Variants in MYBPC3 observed in about 807,000 individuals in gnomAD.
MYBPC3 encodes myosin binding protein C3.
A neutral mutation model predicts 159.3 loss-of-function variants in MYBPC3; 108 were observed. The observed-to-expected ratio is 0.68, with a 90% CI of 0.58 to 0.80. The LOEUF (loss-of-function observed/expected upper bound fraction) is 0.80, where lower values mean the gene tolerates loss of function less well. MYBPC3 is among the 30% of genes least tolerant of loss of function. MYBPC3 has a pLI of 0.00. For synonymous variants in MYBPC3, 730 were observed against 702.0 expected, an observed-to-expected ratio of 1.04 and a Z score of -0.63; for missense variants, 1,631 against 1,762.1, an observed-to-expected ratio of 0.93 and a Z score of 1.33.
rs768751160 is a variant in MYBPC3, at chr11:47,332,216, C to T, written c.3670G>A (p.Asp1224Asn). 6.2e-7 allele frequency: 1 copy of T among 1,613,872 alleles called. No homozygotes were observed. The highest frequency in any genetic ancestry group is 8.5e-7 in the Non-Finnish European group (1 of 1,179,896). The part of the protein sequence containing the change: ...WFKNGLDLGE[D>N]ARFRMFSKQG... The stretch of plus-strand genomic sequence containing the variant: ...TTGCTGAACATGCGGAAGCGGGCGT[C>T]TTCTCCCAGGTCCAGGCCATTCTTG... Residue 1224 changes from aspartate (D) to asparagine (N), a missense_variant, in exon 33 of 35, where the codon GAC becomes AAC. Coordinates refer to ENST00000545968, the MANE Select transcript of MYBPC3 (RefSeq NM_000256.3). This position sits in a 1 kb window ranked among gnomAD's most constrained non-coding sequence, Gnocchi z 4.2.
At chr11:47,340,250 CAT>C (rs768637988) in intron 20 of MYBPC3, among the ~76,000 whole-genome samples, 9 of 151,870 alleles carry the variant, frequency 5.9e-5, no homozygotes, top group Non-Finnish European at 1.3e-4. Flanking sequence ...CACAGACACA[CAT>C]ATATACATAC....
rs368489793 is a variant in MYBPC3 at position 47,352,613 on chromosome 11, C to T, written c.25+10G>A. The T allele has an allele frequency of 1.2e-5, 19 of 1,601,312 alleles. No homozygotes were observed. Among genetic ancestry groups the T allele is most frequent in the Non-Finnish European group, 1.6e-5 (19 of 1,174,176 alleles). ...CCCACACTTAGACCCAACCCCAGTC[C>T]TAAAGCTACCTGGCTTCTTCCCCGG... On this transcript the variant is annotated intron_variant, in intron 1 of 34. Transcript: ENST00000545968.
chr11:47,343,698 T>G (rs2095891587), intron 12 of MYBPC3, 74 bp from the exon 13 acceptor site: 4 of 1,467,550 alleles, frequency 2.7e-6, no homozygotes, highest in African/African-American at 1.4e-5. Flanking sequence ...ACTGTGGCTG[T>G]GGCTGGGGCC....
At position 47,341,152 on chromosome 11, in the gene MYBPC3, T is replaced by A; in HGVS notation, c.1883A>T (p.Lys628Met). 1 of 1,596,570 alleles carries A rather than the reference T, an allele frequency of 6.3e-7. No homozygotes were observed. The highest frequency in any genetic ancestry group is 8.5e-7 in the Non-Finnish European group (1 of 1,171,454). ...PEGFACNLSA[K>M]LHFMEVKIDF... ...AGCAGGCTCACCCATGAAGTGGAGC[T>A]TGGCTGACAGGTTGCAGGCGAAGCC... is the stretch of plus-strand genomic sequence containing the variant. The change falls in exon 19 of 35, where the codon AAG becomes ATG. Residue 628 changes from lysine to methionine, a missense_variant. Lys to Met is a moderately conservative substitution (Grantham distance 95). Coordinates refer to ENST00000545968, the MANE Select transcript of MYBPC3 (RefSeq NM_000256.3).
Position 47,342,749 on chromosome 11 carries a change from C to T in MYBPC3, c.1458-5G>A, listed in dbSNP as rs746542705. 8.7e-6 allele frequency: 14 copies of T among 1,613,586 alleles called. No individual in the cohort carries two copies. In the East Asian group the frequency reaches 3.1e-4, roughly 36 times the overall value. On this transcript the variant is annotated splice_polypyrimidine_tract_variant and splice_region_variant and intron_variant, in intron 16 of 34. Coordinates refer to ENST00000545968, the MANE Select transcript of MYBPC3 (RefSeq NM_000256.3). ...AGCTCCACCCCGTCCTTCAGCCTAG[C>T]CGGGTGGGTGGGTGGCAAGTGCTGT...
At chr11:47,347,061 G>A (rs1239946408) in intron 9 of MYBPC3, 32 bp from the exon 10 acceptor site, 1 of 855,862 alleles carries the variant, frequency 1.2e-6, no homozygotes, top group Non-Finnish European at 2.0e-6. Context: ...CATAATGGAG[G>A]GGCCGGGGGA....
rs377595584 is a variant in MYBPC3, at chr11:47,346,619, G to C, written c.926+8C>G. ...TGATGAGGGTGCTGTGCTATGTTGG[G>C]CACTCACCTCGGGGTCCGGAAACTG... On this transcript the variant is annotated splice_region_variant and intron_variant, in intron 11 of 34. Transcript: ENST00000545968. This position sits in a 1 kb window ranked among gnomAD's most constrained non-coding sequence, Gnocchi z 5.3. 6.3e-7 allele frequency: 1 copy of C among 1,586,748 alleles called. No homozygotes were observed. Among genetic ancestry groups the C allele is most frequent in the Admixed American group, 1.8e-5 (1 of 56,210 alleles).
chr11:47,334,983 G>C, intron 27 of MYBPC3, 59 bp downstream of exon 27: 1 of 1,423,754 alleles, frequency 7.0e-7, no homozygotes, highest in Non-Finnish European at 9.3e-7. Context: ...ACCTCCACTG[G>C]ACACCAAGGG....
intron 13 of MYBPC3, 22 bp from the exon 14 acceptor site, chr11:47,343,284 T>A: frequency 6.5e-7 from 1 of 1,547,864 alleles, no homozygotes; most frequent in South Asian, 1.2e-5. Flanking sequence ...AAGGGGCCGT[T>A]GAAGTGTTCC....
At position 47,347,008 on chromosome 11, in the gene MYBPC3, C is replaced by T. The variant is rs1362860900; in HGVS notation, c.908+19G>A. The T allele has an allele frequency of 1.3e-6, 1 of 783,982 alleles. No individual in the cohort carries two copies. Among genetic ancestry groups the T allele is most frequent in the African/African-American group, 1.7e-5 (1 of 59,534 alleles). The allele number at this position is 783,982 out of a possible 1,614,324, so 48.6% of individuals were successfully genotyped here. On this transcript the variant is annotated intron_variant, in intron 10 of 34. Coordinates refer to ENST00000545968, the MANE Select transcript of MYBPC3 (RefSeq NM_000256.3). ...ACCAGCGCCCTGCCGCCCCCAAACA[C>T]CCAGACCCCGATTCTTACTCTCTGG... is the stretch of plus-strand genomic sequence containing the variant.
chr11:47,349,213 A>T (rs2095897762), intron 5 of MYBPC3, among the ~76,000 whole-genome samples: 1 of 151,862 alleles, frequency 6.6e-6, no homozygotes, highest in African/African-American at 2.4e-5. Context: ...TTAAGCCTTA[A>T]GGTTCTGGTG....
chr11:47,343,443 T>C, intron 13 of MYBPC3, 49 bp downstream of exon 13: 4 of 1,542,562 alleles, frequency 2.6e-6, no homozygotes, highest in Non-Finnish European at 2.6e-6. Context: ...GGCAAGGCTA[T>C]GGGGGTCCCC....
intron 9 of MYBPC3, 24 bp from the exon 10 acceptor site, chr11:47,347,053 T>C: frequency 1.2e-6 from 1 of 834,598 alleles, no homozygotes; most frequent in Admixed American, 1.7e-5. Context: ...GCAGCAGCCA[T>C]AATGGAGGGG....
At position 47,337,456 on chromosome 11, in the gene MYBPC3, A is replaced by G; in HGVS notation, c.2537T>C (p.Val846Ala). Residue 846 changes from valine (V) to alanine (A), a missense_variant, in exon 25 of 35, where the codon GTC becomes GCC. Transcript: ENST00000545968. ...MIEGVVYEMR[V>A]YAVNAIGMSR... The stretch of plus-strand genomic sequence containing the variant: ...CATGCCGATGGCGTTGACCGCGTAG[A>G]CGCGCATCTCGTACACCACGCCCTC... 6.2e-7 allele frequency: 1 copy of G among 1,613,480 alleles called. No homozygotes were observed. The highest frequency in any genetic ancestry group is 8.5e-7 in the Non-Finnish European group (1 of 1,179,812).
chr11:47,339,258 C>G, intron 22 of MYBPC3, 66 bp downstream of exon 22: 3 of 1,559,446 alleles, frequency 1.9e-6, no homozygotes, highest in South Asian at 1.1e-5. Flanking sequence ...GCCAAGGGCT[C>G]GGCACCACGT....
Position 47,343,022 on chromosome 11 carries a change from T to C in MYBPC3, c.1350A>G (p.Lys450=). 6.2e-7 allele frequency: 1 copy of C among 1,613,184 alleles called. No individual in the cohort carries two copies. Among genetic ancestry groups the C allele is most frequent in the East Asian group, 2.2e-5 (1 of 44,858 alleles). The change falls in exon 15 of 35, where the codon AAA becomes AAG. Residue 450 remains lysine (K), a splice_region_variant and synonymous_variant. Coordinates refer to ENST00000545968, the MANE Select transcript of MYBPC3 (RefSeq NM_000256.3). ...GEKCSTELFV[K]EPPVLITRPL... ...CACATCCTCAGGTCCCAGGCCCACC[T>C]TTCACAAAGAGCTCCGTGCTACACT... is the stretch of plus-strand genomic sequence containing the variant.
chr11:47,332,510 G>T lies in MYBPC3; in HGVS notation c.3627+56C>A. Reference sequence around the variant, plus strand: ...GCTGGGGAGAGGACTGCTCAACGTCGGGGCCTGTGAGCCCTGCCTCCTGGT... The same window carrying T: ...GCTGGGGAGAGGACTGCTCAACGTCTGGGCCTGTGAGCCCTGCCTCCTGGT... On this transcript the variant is annotated intron_variant, in intron 32 of 34. Transcript: ENST00000545968. The surrounding 1 kb of genome is among the most constrained non-coding windows in gnomAD (Gnocchi z 4.2). The T allele has an allele frequency of 6.4e-7, 1 of 1,574,436 alleles. No homozygotes were observed.
At position 47,338,289 on chromosome 11, in the gene MYBPC3, G is replaced by A. The variant is rs781679695; in HGVS notation, c.2308+231C>T. Among the ~76,000 whole-genome samples, 1 of 152,134 alleles carries A rather than the reference G, an allele frequency of 6.6e-6. No homozygotes were observed. On this transcript the variant is annotated intron_variant, in intron 23 of 34. Transcript: ENST00000545968. The surrounding 1 kb of genome is among the most constrained non-coding windows in gnomAD (Gnocchi z 4.7). ...ATGGCTCTCTGCTCAGTGCTCCCAC[G>A]GCACTCTGGACATGGCTCATGTACA... is the stretch of plus-strand genomic sequence containing the variant.
At position 47,346,065 on chromosome 11, in the gene MYBPC3, T is replaced by G. The variant is rs73451793; in HGVS notation, c.1090+142A>C. 1.0e-3 allele frequency: 1,223 copies of G among 1,193,508 alleles called. 11 individuals are homozygous for G. The African/African-American group carries it at 0.017, about 16-fold the overall frequency. The allele number at this position is 1,193,508 out of a possible 1,614,324, so 73.9% of individuals were successfully genotyped here. ...CTGTGCTAAGCCGGACTCCGCTCTT[T>G]CCATGTATGTGGACGAGGTGGGGGG... On this transcript the variant is annotated intron_variant, in intron 12 of 34. Transcript: ENST00000545968. The surrounding 1 kb of genome is among the most constrained non-coding windows in gnomAD (Gnocchi z 5.3).
Sources: gnomAD v4.1 joint callset for allele counts (sites outside exome capture counted in the v4.1 genomes callset) on GRCh38, gnomAD v4.1.1 for gene constraint, Gnocchi (gnomAD v3.1) non-coding constraint, MANE v1.5 for transcripts, NCBI Gene and HGNC (gene_info 2026-07-23, HGNC 2026-07-21) for gene names.